SERGEF: variants seen among roughly 807,000 people sequenced by gnomAD.
SERGEF encodes the protein secretion-regulating guanine nucleotide exchange factor.
A neutral mutation model predicts 50.0 loss-of-function variants in SERGEF; 51 were observed. The observed-to-expected ratio is 1.02, with a 90% CI of 0.81 to 1.29. The LOEUF is 1.29. Among genes scored for constraint, SERGEF ranks in the 50% most tolerant of loss-of-function variants. The pLI, the probability that SERGEF is intolerant of heterozygous loss-of-function variation, is 0.00. For synonymous variants in SERGEF, 205 were observed against 212.4 expected, an observed-to-expected ratio of 0.97 and a Z score of 0.30; for missense variants, 521 against 557.0, an observed-to-expected ratio of 0.94 and a Z score of 0.65.
At chr11:17,817,420 G>A (rs1211992273) in intron 10 of SERGEF, among the ~76,000 whole-genome samples, 1 of 152,006 alleles carries the variant, frequency 6.6e-6, no homozygotes, top group Non-Finnish European at 1.5e-5. Flanking sequence ...GTTTCACCAT[G>A]TTAGCCAGGA....
rs567697097 is a variant in SERGEF, at chr11:17,868,033, C to T, written c.1048+10175G>A. Among the ~76,000 whole-genome samples the T allele has an allele frequency of 8.5e-5, 13 of 152,356 alleles. No homozygotes were observed. In the South Asian group the frequency reaches 2.7e-3, roughly 32 times the overall value. On this transcript the variant is annotated intron_variant, in intron 10 of 10. Transcript: ENST00000265965. ...GAGGGGCTGCCATCAAGACCCCTGACATGCCCTGGAGACATTTTCCCTATT... is the reference window on the plus strand; with the variant it reads ...GAGGGGCTGCCATCAAGACCCCTGATATGCCCTGGAGACATTTTCCCTATT...
chr11:17,930,853 A>G (rs185976164), intron 9 of SERGEF, among the ~76,000 whole-genome samples: 276 of 152,308 alleles, frequency 1.8e-3, no homozygotes, highest in African/African-American at 6.4e-3. Context: ...AGTGAGAAAG[A>G]TCTGAGATGC....
In SERGEF at chr11:17,828,743, T is replaced by G. The variant is rs543400190; in HGVS notation, c.1049-40330A>C. Among the ~76,000 whole-genome samples, 6 of 152,274 alleles carry G rather than the reference T, an allele frequency of 3.9e-5. No homozygotes were observed. In the South Asian group the frequency reaches 1.2e-3, roughly 32 times the overall value. ...CCAGAAGAGAATCTTATTTTAAGGA[T>G]GAAAAGAAATGTCCAACATCTGATT... On this transcript the variant is annotated intron_variant, in intron 10 of 10. Coordinates refer to ENST00000265965, the MANE Select transcript of SERGEF (RefSeq NM_012139.4).
chr11:17,818,116 T>C (rs1286464899), intron 10 of SERGEF, among the ~76,000 whole-genome samples: 1 of 152,142 alleles, frequency 6.6e-6, no homozygotes, highest in Non-Finnish European at 1.5e-5. Flanking sequence ...CACTATACAG[T>C]TACGGTTTTC....
At position 17,992,993 on chromosome 11, in the gene SERGEF, C is replaced by A; in HGVS notation, c.623G>T (p.Gly208Val). The change falls in exon 7 of 11, where the codon GGT becomes GTT. Residue 208 changes from glycine to valine, a missense_variant and splice_region_variant. Physicochemically the swap from Gly to Val is moderately radical, Grantham distance 109. Coordinates refer to ENST00000265965, the MANE Select transcript of SERGEF (RefSeq NM_012139.4). Reference protein sequence around the residue: ...FTAKEPSRVTGLENSKAMCVL... With the variant: ...FTAKEPSRVTVLENSKAMCVL... ...ACACATTGCTTTAGAATTCTCTAGA[C>A]CTACAAAAGAAAAAATGTTCTTCTG... 6.2e-7 allele frequency: 1 copy of A among 1,613,626 alleles called. No homozygotes were observed.
rs1334322346 is a variant in SERGEF, at chr11:18,013,013, G to A, written c.-3C>T. The A allele has an allele frequency of 7.2e-6, 10 of 1,386,078 alleles. No homozygotes were observed. The highest frequency in any genetic ancestry group is 1.6e-5 in the South Asian group (1 of 61,024). The allele number at this position is 1,386,078 out of a possible 1,614,324, so 85.9% of individuals were successfully genotyped here. A position where few individuals can be genotyped will look rare whatever the true frequency, so the allele number is the denominator to read the frequency against. ...GAGGCGCTGGGCTCGCGCTCCATGC[G>A]AGGACGCTCCGCCGGCGCTTCCGGG... On this transcript the variant is annotated 5_prime_UTR_variant, in exon 1 of 11. Coordinates refer to ENST00000265965, the MANE Select transcript of SERGEF (RefSeq NM_012139.4). The surrounding 1 kb of genome is among the most constrained non-coding windows in gnomAD (Gnocchi z 4.3).
chr11:17,879,636 T>C (rs1851303163), intron 9 of SERGEF, among the ~76,000 whole-genome samples: 1 of 152,208 alleles, frequency 6.6e-6, no homozygotes. Context: ...CTTATTTTAC[T>C]TAAAATAATG....
chr11:17,914,192 T>C (rs536441006), intron 9 of SERGEF, among the ~76,000 whole-genome samples: 19 of 152,338 alleles, frequency 1.2e-4, no homozygotes, highest in African/African-American at 4.6e-4. Flanking sequence ...TCTGGAATGC[T>C]TCCTTCTTGT....
At chr11:17,816,204 T>C (rs1565175017) in intron 10 of SERGEF, among the ~76,000 whole-genome samples, 1 of 152,156 alleles carries the variant, frequency 6.6e-6, no homozygotes, top group African/African-American at 2.4e-5. Context: ...TGGTGTCTCC[T>C]GAGAAAGGGG....
intron 8 of SERGEF, among the ~76,000 whole-genome samples, chr11:17,966,952 C>T (rs914619163): frequency 6.6e-6 from 1 of 152,124 alleles, no homozygotes; most frequent in African/African-American, 2.4e-5. Flanking sequence ...TCCCATTTTA[C>T]AGATTAAGAA....
At chr11:17,951,961 A>G (rs2133964799) in intron 9 of SERGEF, among the ~76,000 whole-genome samples, 1 of 152,276 alleles carries the variant, frequency 6.6e-6, no homozygotes, top group South Asian at 2.1e-4. Flanking sequence ...CCTCCCAGGT[A>G]GCCTCCCTGC....
chr11:17,967,651 T>G (rs55660010), intron 8 of SERGEF, among the ~76,000 whole-genome samples: 2,735 of 151,896 alleles, frequency 0.018, 80 homozygotes, highest in African/African-American at 0.062. Flanking sequence ...CAAGAAGGAG[T>G]CAGGCTGGTT....
chr11:17,794,672 A>G (rs951811548), intron 10 of SERGEF, among the ~76,000 whole-genome samples: 1 of 152,216 alleles, frequency 6.6e-6, no homozygotes, highest in Non-Finnish European at 1.5e-5. Flanking sequence ...GTGAAGTGCA[A>G]TCTAATATTA....
intron 10 of SERGEF, among the ~76,000 whole-genome samples, chr11:17,851,316 C>G (rs2237938): frequency 0.19 from 29,168 of 152,042 alleles, 3,341 homozygotes; most frequent in African/African-American, 0.32. Context: ...AACCTTGGTC[C>G]CCTTGATTTG....
intron 10 of SERGEF, chr11:17,855,115 T>C (rs1342732028): frequency 6.6e-6 from 1 of 152,214 alleles, no homozygotes; most frequent in Non-Finnish European, 1.5e-5. Context: ...ATTAAAACTA[T>C]AATATTCTTA....
intron 3 of SERGEF, 88 bp downstream of exon 3, chr11:18,006,503 G>A: frequency 1.5e-6 from 2 of 1,290,692 alleles, no homozygotes; most frequent in Non-Finnish European, 1.1e-6. Flanking sequence ...ACACAAAGAG[G>A]CTTTCATTTA....
intron 10 of SERGEF, among the ~76,000 whole-genome samples, chr11:17,844,951 TG>T (rs1206429702): frequency 1.3e-5 from 2 of 150,708 alleles, no homozygotes; most frequent in African/African-American, 4.9e-5. Flanking sequence ...AAAAAACCCC[TG>T]TTTTAAGAAA....
At chr11:18,009,678 T>C (rs1854157030) in intron 1 of SERGEF, among the ~76,000 whole-genome samples, 1 of 152,174 alleles carries the variant, frequency 6.6e-6, no homozygotes, top group Non-Finnish European at 1.5e-5. Flanking sequence ...CATGGTGAGA[T>C]TCCAGTAAGG....
chr11:17,878,426 A>G (rs1433860890), intron 9 of SERGEF, among the ~76,000 whole-genome samples, 182 bp from the exon 10 acceptor site: 1 of 152,208 alleles, frequency 6.6e-6, no homozygotes, highest in African/African-American at 2.4e-5. Context: ...CTACATAAAA[A>G]GAAAATAAAA....
Sources: allele counts gnomAD v4.1 joint callset (sites outside exome capture counted in the v4.1 genomes callset), GRCh38; gene constraint gnomAD v4.1.1; non-coding constraint Gnocchi (gnomAD v3.1); transcripts MANE v1.5; gene names NCBI Gene and HGNC (gene_info 2026-07-23, HGNC 2026-07-21).